The following LRRTM4 variants were observed in gnomAD, a reference collection of about 807,000 sequenced individuals.
LRRTM4 encodes leucine-rich repeat transmembrane neuronal protein 4.
A neutral mutation model predicts 47.6 loss-of-function variants in LRRTM4; 25 were observed. That is an observed-to-expected ratio of 0.53 (90% confidence interval 0.38 to 0.73). The LOEUF (loss-of-function observed/expected upper bound fraction) is 0.73, where lower values mean the gene tolerates loss of function less well. Among genes scored for constraint, LRRTM4 ranks in the 30% least tolerant of loss-of-function variants. LRRTM4 has a pLI of 0.00. For synonymous variants in LRRTM4, 311 were observed against 269.5 expected (o/e 1.15, Z -1.51); for missense variants, 638 against 713.4 (o/e 0.89, Z 1.20).
At chr2:77,450,139 C>A (rs1414684649) in intron 3 of LRRTM4, among the ~76,000 whole-genome samples, 2 of 152,082 alleles carry the variant, frequency 1.3e-5, no homozygotes, top group Non-Finnish European at 2.9e-5. Context: ...TTATTTAAAA[C>A]ACTTTTAATA....
At chr2:77,201,390 A>G (rs1286081954) in intron 3 of LRRTM4, among the ~76,000 whole-genome samples, 1 of 152,130 alleles carries the variant, frequency 6.6e-6, no homozygotes, top group African/African-American at 2.4e-5. Flanking sequence ...CTTTGGTTAT[A>G]TGATGTTTAT....
chr2:76,899,043 T>C (rs976978313), intron 3 of LRRTM4, among the ~76,000 whole-genome samples: 3 of 151,998 alleles, frequency 2.0e-5, no homozygotes, highest in African/African-American at 7.2e-5. Context: ...AAGCGTGTTG[T>C]AAAATTGGTA....
intron 3 of LRRTM4, among the ~76,000 whole-genome samples, chr2:77,440,265 T>C (rs1675785562): frequency 6.6e-6 from 1 of 151,886 alleles, no homozygotes; most frequent in Admixed American, 6.6e-5. Context: ...ATACAAAAAA[T>C]TAGCCGGGCG....
At chr2:77,249,813 T>C (rs1675554147) in intron 3 of LRRTM4, among the ~76,000 whole-genome samples, 1 of 152,346 alleles carries the variant, frequency 6.6e-6, no homozygotes, top group East Asian at 1.9e-4. Flanking sequence ...GCAGTCATGC[T>C]CTTTTGTATT....
chr2:77,441,813 T>C (rs550239079), intron 3 of LRRTM4, among the ~76,000 whole-genome samples: 2 of 152,330 alleles, frequency 1.3e-5, no homozygotes, highest in East Asian at 3.9e-4. Flanking sequence ...TCTGCTGGCT[T>C]AGCTTCACAA....
intron 3 of LRRTM4, among the ~76,000 whole-genome samples, chr2:77,275,303 G>A (rs922497385): frequency 6.6e-6 from 1 of 152,036 alleles, no homozygotes; most frequent in East Asian, 1.9e-4. Context: ...GACAAGGTTG[G>A]TGGTTTATAA....
intron 3 of LRRTM4, among the ~76,000 whole-genome samples, chr2:76,997,856 T>C (rs549665597): frequency 2.0e-5 from 3 of 151,898 alleles, no homozygotes; most frequent in Admixed American, 6.6e-5. Context: ...ATCAGGTCAG[T>C]GGCATCATGA....
At chr2:77,322,085 G>T (rs945511701) in intron 3 of LRRTM4, among the ~76,000 whole-genome samples, 1 of 152,088 alleles carries the variant, frequency 6.6e-6, no homozygotes, top group African/African-American at 2.4e-5. Flanking sequence ...AGTTTCAAAG[G>T]TAATCTAGTA....
At chr2:76,818,247 T>G (rs1381350951) in intron 3 of LRRTM4, among the ~76,000 whole-genome samples, 1 of 151,932 alleles carries the variant, frequency 6.6e-6, no homozygotes, top group Non-Finnish European at 1.5e-5. Context: ...ATACGTATTC[T>G]GAAAACATGG....
intron 3 of LRRTM4, among the ~76,000 whole-genome samples, chr2:77,485,647 C>A (rs992565068): frequency 3.9e-5 from 6 of 152,156 alleles, no homozygotes; most frequent in African/African-American, 1.4e-4. Context: ...TGGATTTGTT[C>A]TTGAACAAGA....
chr2:76,817,381 A>G (rs1251446850), intron 3 of LRRTM4, among the ~76,000 whole-genome samples: 1 of 152,016 alleles, frequency 6.6e-6, no homozygotes, highest in East Asian at 1.9e-4. Flanking sequence ...GAAGTAAAAG[A>G]CAAAACAATG....
At chr2:77,069,287 GAATAT>G (rs1264862795) in intron 3 of LRRTM4, among the ~76,000 whole-genome samples, 1 of 151,892 alleles carries the variant, frequency 6.6e-6, no homozygotes, top group Non-Finnish European at 1.5e-5. Context: ...TATATATTAT[GAATAT>G]AATAATACTA....
chr2:77,111,261 G>T (rs1671239559), intron 3 of LRRTM4, among the ~76,000 whole-genome samples: 1 of 150,492 alleles, frequency 6.6e-6, no homozygotes. Context: ...GGGACTACAG[G>T]TGTGTGTCAC....
chr2:77,058,537 C>G (rs966737930), intron 3 of LRRTM4, among the ~76,000 whole-genome samples: 2 of 151,706 alleles, frequency 1.3e-5, no homozygotes, highest in African/African-American at 4.8e-5. Flanking sequence ...TTTCTTTTTC[C>G]TATTTTCATC....
intron 3 of LRRTM4, among the ~76,000 whole-genome samples, chr2:77,154,665 T>A (rs1672512808): frequency 6.6e-6 from 1 of 152,148 alleles, no homozygotes; most frequent in African/African-American, 2.4e-5. Context: ...TAATTTACAT[T>A]TATACTTAAG....
intron 3 of LRRTM4, among the ~76,000 whole-genome samples, chr2:76,895,569 G>A (rs1673385676): frequency 6.6e-6 from 1 of 152,056 alleles, no homozygotes; most frequent in South Asian, 2.1e-4. Flanking sequence ...CAGCCAGACT[G>A]CTAGAGATTT....
At chr2:77,122,377 CAAG>C (rs979683573) in intron 3 of LRRTM4, among the ~76,000 whole-genome samples, 1 of 151,006 alleles carries the variant, frequency 6.6e-6, no homozygotes, top group African/African-American at 2.4e-5. Flanking sequence ...TATCTTACTT[CAAG>C]AAAACCTACA....
At chr2:77,068,588 T>G (rs560308167) in intron 3 of LRRTM4, among the ~76,000 whole-genome samples, 8 of 152,358 alleles carry the variant, frequency 5.3e-5, no homozygotes, top group Admixed American at 5.2e-4. Flanking sequence ...CTTCCTTTAA[T>G]TGTATATGTT....
chr2:76,901,552 G>A (rs1269661798), intron 3 of LRRTM4, among the ~76,000 whole-genome samples: 7 of 152,136 alleles, frequency 4.6e-5, no homozygotes, highest in Non-Finnish European at 8.8e-5. Flanking sequence ...AAGGCTCAGA[G>A]AAAACCTCTT....
Sources: gnomAD v4.1 joint callset for allele counts (sites outside exome capture counted in the v4.1 genomes callset) on GRCh38, gnomAD v4.1.1 for gene constraint, MANE v1.5 for transcripts, NCBI Gene and HGNC (gene_info 2026-07-23, HGNC 2026-07-21) for gene names.